Variants in NTRK3 observed in about 807,000 individuals in gnomAD.
NTRK3 encodes NT-3 growth factor receptor.
Under a neutral mutation model 91.7 loss-of-function variants are expected in NTRK3, and 24 were observed. That is an observed-to-expected ratio of 0.26 (90% confidence interval 0.19 to 0.37). The LOEUF (loss-of-function observed/expected upper bound fraction) is 0.37, where lower values mean the gene tolerates loss of function less well. NTRK3 is among the 10% of genes least tolerant of loss of function. The pLI is 1.00. For missense variants in NTRK3, 880 were observed against 1,068.9 expected, an observed-to-expected ratio of 0.82 and a Z score of 2.46; for synonymous variants, 483 against 404.0, an observed-to-expected ratio of 1.20 and a Z score of -2.34.
intron 13 of NTRK3, among the ~76,000 whole-genome samples, chr15:88,049,124 G>T (rs2080548252): frequency 6.6e-6 from 1 of 152,206 alleles, no homozygotes; most frequent in African/African-American, 2.4e-5. Context: ...CTGGAGCTGA[G>T]AATGCAGTGC....
intron 5 of NTRK3, among the ~76,000 whole-genome samples, chr15:88,168,599 G>T (rs1206844472): frequency 6.6e-6 from 1 of 152,380 alleles, no homozygotes; most frequent in East Asian, 1.9e-4. Flanking sequence ...AGGTTTCTGA[G>T]CTGCAAATGG....
At chr15:87,900,337 G>A (rs1175647291) in intron 17 of NTRK3, among the ~76,000 whole-genome samples, 1 of 152,130 alleles carries the variant, frequency 6.6e-6, no homozygotes, top group Non-Finnish European at 1.5e-5. Flanking sequence ...AGGCCTAGAG[G>A]CATCTTTAGC....
chr15:87,981,914 G>C (rs1045601279), intron 14 of NTRK3, among the ~76,000 whole-genome samples: 6 of 152,174 alleles, frequency 3.9e-5, no homozygotes, highest in Non-Finnish European at 7.3e-5. Flanking sequence ...GCCATTGTTA[G>C]GGCATAAACC....
intron 17 of NTRK3, among the ~76,000 whole-genome samples, chr15:87,912,044 A>G (rs188340396): frequency 9.8e-5 from 15 of 152,312 alleles, no homozygotes; most frequent in Admixed American, 8.5e-4. Flanking sequence ...TGCTTCTAAT[A>G]TTCCTTCCTC....
At chr15:88,092,935 A>G (rs1377281569) in intron 13 of NTRK3, among the ~76,000 whole-genome samples, 4 of 151,932 alleles carry the variant, frequency 2.6e-5, no homozygotes, top group Admixed American at 6.5e-5. Context: ...AATCTCCCCA[A>G]ATCAAGATCC....
intron 13 of NTRK3, among the ~76,000 whole-genome samples, 171 bp from the exon 14 acceptor site, chr15:88,033,216 A>ATATATATATATATAT (rs1567262261): frequency 1.4e-3 from 171 of 121,830 alleles, no homozygotes; most frequent in African/African-American, 3.6e-3. Context: ...ATATATATAT[A>ATATATATATATATAT]AATTCAGTTG....
intron 17 of NTRK3, among the ~76,000 whole-genome samples, chr15:87,889,396 C>CTTTTTT (rs568030482): frequency 4.1e-4 from 39 of 95,626 alleles, no homozygotes; most frequent in African/African-American, 7.9e-4. Context: ...TTATTAGTTC[C>CTTTTTT]TTTTTTTTTT....
At chr15:88,188,002 G>A (rs2047080545) in intron 3 of NTRK3, among the ~76,000 whole-genome samples, 1 of 151,922 alleles carries the variant, frequency 6.6e-6, no homozygotes, top group African/African-American at 2.4e-5. Flanking sequence ...TAAACCCTGT[G>A]GGGGCGGTGA....
At chr15:87,909,410 G>A (rs1398243675) in intron 17 of NTRK3, among the ~76,000 whole-genome samples, 1 of 152,190 alleles carries the variant, frequency 6.6e-6, no homozygotes, top group Admixed American at 6.5e-5. Flanking sequence ...AGGCAGAGAA[G>A]CAGCACTGGA....
chr15:87,939,269 T>C (rs1007966048), intron 15 of NTRK3, among the ~76,000 whole-genome samples: 3 of 152,194 alleles, frequency 2.0e-5, no homozygotes, highest in African/African-American at 7.2e-5. Flanking sequence ...ATTGAGTCTT[T>C]ACTCAATAAA....
At chr15:88,066,837 G>T (rs1019162110) in intron 13 of NTRK3, among the ~76,000 whole-genome samples, 5 of 152,256 alleles carry the variant, frequency 3.3e-5, no homozygotes, top group Admixed American at 1.3e-4. Flanking sequence ...CCCCACTCTT[G>T]TACAGGCAGC....
At chr15:88,064,503 T>A (rs1302391847) in intron 13 of NTRK3, among the ~76,000 whole-genome samples, 2 of 152,134 alleles carry the variant, frequency 1.3e-5, no homozygotes, top group South Asian at 2.1e-4. Flanking sequence ...CACAGCCTCA[T>A]CAAGTAGGTT....
At chr15:87,940,860 A>T (rs574068917) in intron 14 of NTRK3, 107 bp from the exon 15 acceptor site, 3 of 1,528,334 alleles carry the variant, frequency 2.0e-6, no homozygotes, top group East Asian at 4.5e-5. Context: ...TTCTGAGCCT[A>T]CAGCAGGCAA....
chr15:88,006,679 G>T (rs1268170764), intron 14 of NTRK3, among the ~76,000 whole-genome samples: 1 of 152,142 alleles, frequency 6.6e-6, no homozygotes, highest in Non-Finnish European at 1.5e-5. Context: ...AAAGAAAACG[G>T]GCTAGTACAT....
At chr15:87,940,473 G>T in intron 15 of NTRK3, 150 bp downstream of exon 15, 1 of 1,267,556 alleles carries the variant, frequency 7.9e-7, no homozygotes, top group Non-Finnish European at 1.1e-6. Flanking sequence ...TGGTCCCTAG[G>T]AAACTTCATT....
chr15:87,933,131 C>T (rs1286300315), exon 16 of NTRK3: 2 of 1,613,976 alleles, frequency 1.2e-6, no homozygotes, highest in East Asian at 2.2e-5. Flanking sequence ...TGGTGAGCAG[C>T]TCGGCCTCCC....
rs74267908 is a variant in NTRK3 at position 88,240,053 on chromosome 15, GAC to G, written c.248+15851_248+15852del. Among the ~76,000 whole-genome samples, 66 of 148,646 alleles carry G rather than the reference GAC, an allele frequency of 4.4e-4. No individual in the cohort carries two copies. Among genetic ancestry groups the G allele is most frequent in the Middle Eastern group, 3.6e-3 (1 of 278 alleles). On this transcript the variant is annotated intron_variant, in intron 3 of 18. Coordinates refer to ENST00000394480, the Ensembl canonical transcript of NTRK3. The surrounding 1 kb of genome is among the most constrained non-coding windows in gnomAD (Gnocchi z 4.9). ...ATATACACACACAGCGACACACACA[GAC>G]ACACACACACACACACACAGGAACA...
chr15:87,864,096 A>C (rs1431283581), exon 19 of NTRK3: 1 of 229,970 alleles, frequency 4.3e-6, no homozygotes, highest in Non-Finnish European at 8.5e-6. Flanking sequence ...TTTGCCAGAG[A>C]GAAGAACACT....
intron 13 of NTRK3, among the ~76,000 whole-genome samples, chr15:88,037,041 G>T (rs1009081409): frequency 2.0e-5 from 3 of 152,174 alleles, no homozygotes; most frequent in Non-Finnish European, 4.4e-5. Context: ...TTGAGGATTT[G>T]AAAAAGCTGT....
Sources: gnomAD v4.1 joint callset for allele counts (sites outside exome capture counted in the v4.1 genomes callset) on GRCh38, gnomAD v4.1.1 for gene constraint, Gnocchi (gnomAD v3.1) non-coding constraint, MANE v1.5 for transcripts, NCBI Gene and HGNC (gene_info 2026-07-23, HGNC 2026-07-21) for gene names.